KIAA1549L: variants seen among roughly 807,000 people sequenced by gnomAD.
KIAA1549L encodes UPF0606 protein KIAA1549L.
Under a neutral mutation model 160.7 loss-of-function variants are expected in KIAA1549L, and 88 were observed. The ratio of observed to expected loss-of-function variants is 0.55; its 90% confidence interval spans 0.46 to 0.65. KIAA1549L has a LOEUF of 0.65. Among genes scored for constraint, KIAA1549L ranks in the 30% least tolerant of loss-of-function variants. The pLI, the probability that KIAA1549L is intolerant of heterozygous loss-of-function variation, is 0.00. For synonymous variants in KIAA1549L, 950 were observed against 976.7 expected (o/e 0.97, Z 0.51); for missense variants, 2,258 against 2,437.5 (o/e 0.93, Z 1.55).
intron 6 of KIAA1549L, among the ~76,000 whole-genome samples, chr11:33,557,805 T>A (rs1458477288): frequency 6.6e-6 from 1 of 152,096 alleles, no homozygotes; most frequent in South Asian, 2.1e-4. Context: ...GAGGATCGCT[T>A]AAGCCTAGGA....
chr11:33,497,378 T>C (rs1380829832), intron 1 of KIAA1549L, among the ~76,000 whole-genome samples: 22 of 152,218 alleles, frequency 1.4e-4, no homozygotes, highest in Admixed American at 1.4e-3. Context: ...AAGCAAGTGA[T>C]ATTCCTTTCT....
intron 1 of KIAA1549L, among the ~76,000 whole-genome samples, chr11:33,420,608 C>A (rs752729800): frequency 8.6e-5 from 13 of 152,028 alleles, no homozygotes; most frequent in African/African-American, 2.9e-4. Context: ...TAAGAACTAC[C>A]GTTTTAGGGA....
chr11:33,462,219 C>T (rs2133001423), intron 1 of KIAA1549L, among the ~76,000 whole-genome samples: 1 of 152,234 alleles, frequency 6.6e-6, no homozygotes, highest in South Asian at 2.1e-4. Flanking sequence ...ATTTAAGGAG[C>T]ATATTCCCTA....
At position 33,643,164 on chromosome 11, in the gene KIAA1549L, C is replaced by T. The variant is rs574646708; in HGVS notation, c.5410-2522C>T. Among the ~76,000 whole-genome samples the T allele has an allele frequency of 9.2e-5, 14 of 152,274 alleles. No homozygotes were observed. The South Asian group carries it at 2.9e-3, about 32-fold the overall frequency. ...CAGAATGGAAACCCTGTGGGGGAAG[C>T]AGAGGCTGATCTTCATTTGGGGATC... On this transcript the variant is annotated intron_variant, in intron 16 of 20. Coordinates refer to ENST00000658780, the MANE Select transcript of KIAA1549L (RefSeq NM_012194.3).
Position 33,668,317 on chromosome 11 carries a change from T to A in KIAA1549L, c.*163T>A, listed in dbSNP as rs2133467791. The A allele has an allele frequency of 1.5e-6, 1 of 682,376 alleles. No homozygotes were observed. 42.3% of individuals were successfully genotyped at this position (682,376 alleles called of 1,614,324 possible). A position where few individuals can be genotyped will look rare whatever the true frequency, so the allele number is the denominator to read the frequency against. ...GGGGCTTCTGGGAACAGGAAACTCTTGAACGACTAGATTCTTGGCTCATCC... is the reference window on the plus strand; with the variant it reads ...GGGGCTTCTGGGAACAGGAAACTCTAGAACGACTAGATTCTTGGCTCATCC... On this transcript the variant is annotated 3_prime_UTR_variant, in exon 21 of 21. Coordinates refer to ENST00000658780, the MANE Select transcript of KIAA1549L (RefSeq NM_012194.3).
intron 1 of KIAA1549L, among the ~76,000 whole-genome samples, chr11:33,513,114 G>C (rs1853263693): frequency 6.6e-6 from 1 of 152,200 alleles, no homozygotes; most frequent in Non-Finnish European, 1.5e-5. Context: ...ACAGTGGTCA[G>C]GAGTGTCAGC....
At chr11:33,444,878 A>G (rs1165128419) in intron 1 of KIAA1549L, among the ~76,000 whole-genome samples, 1 of 152,120 alleles carries the variant, frequency 6.6e-6, no homozygotes, top group Non-Finnish European at 1.5e-5. Flanking sequence ...TCCTTACACC[A>G]CATATCCACT....
Position 33,574,963 on chromosome 11 carries a change from C to G in KIAA1549L, c.4402+90C>G, listed in dbSNP as rs1203968607. On this transcript the variant is annotated intron_variant, in intron 10 of 20. Transcript: ENST00000658780. ...GATTCCCCAAAATCATGTTAATGGT[C>G]TCAGAGCTAAACATATTTGTATTCT... 2.7e-6 allele frequency: 3 copies of G among 1,099,366 alleles called. No homozygotes were observed. In the African/African-American group the frequency reaches 4.7e-5, roughly 17 times the overall value. 68.1% of individuals were successfully genotyped at this position (1,099,366 alleles called of 1,614,324 possible).
chr11:33,528,151 T>C (rs1853656756), intron 1 of KIAA1549L, among the ~76,000 whole-genome samples: 2 of 152,182 alleles, frequency 1.3e-5, no homozygotes, highest in Non-Finnish European at 2.9e-5. Flanking sequence ...CCTTTATAAA[T>C]TACCCACTCT....
intron 11 of KIAA1549L, among the ~76,000 whole-genome samples, chr11:33,587,891 G>A (rs1297000682): frequency 6.6e-6 from 1 of 152,174 alleles, no homozygotes; most frequent in African/African-American, 2.4e-5. Flanking sequence ...TTGCATAGGA[G>A]CCAGGCCATG....
chr11:33,599,613 G>A (rs185912007), intron 13 of KIAA1549L: 314 of 152,302 alleles, frequency 2.1e-3, no homozygotes, highest in Non-Finnish European at 3.4e-3. Context: ...AAGGATTGGC[G>A]TTGGGGTTTA....
intron 11 of KIAA1549L, among the ~76,000 whole-genome samples, chr11:33,590,231 C>T (rs1338780263): frequency 6.6e-6 from 1 of 152,112 alleles, no homozygotes; most frequent in East Asian, 1.9e-4. Context: ...ATAACAATGG[C>T]CATCTTTTAA....
At chr11:33,467,879 A>G (rs1283121678) in intron 1 of KIAA1549L, among the ~76,000 whole-genome samples, 1 of 151,930 alleles carries the variant, frequency 6.6e-6, no homozygotes, top group Non-Finnish European at 1.5e-5. Flanking sequence ...TCTGCAGTTA[A>G]AAAAGAAAGA....
chr11:33,395,869 A>G (rs772237853), intron 1 of KIAA1549L, among the ~76,000 whole-genome samples: 1 of 152,078 alleles, frequency 6.6e-6, no homozygotes, highest in Non-Finnish European at 1.5e-5. Context: ...TTTTCGCCGT[A>G]CTCAGCACAG....
At position 33,542,700 on chromosome 11, in the gene KIAA1549L, G is replaced by A. The variant is rs1263489586; in HGVS notation, c.1137G>A (p.Val379=). The change falls in exon 2 of 21, where the codon GTG becomes GTA. Residue 379 remains valine, a synonymous_variant. Coordinates refer to ENST00000658780, the MANE Select transcript of KIAA1549L (RefSeq NM_012194.3). The part of the protein sequence containing the change: ...DGSPSWSMLE[V]ASGPASTQQI... ...GCCCCTCATGGTCAATGTTGGAAGT[G>A]GCTTCAGGTCCTGCATCCACCCAGC... 2 of 1,613,848 alleles carry A rather than the reference G, an allele frequency of 1.2e-6. No individual in the cohort carries two copies. The highest frequency in any genetic ancestry group is 2.2e-5 in the East Asian group (1 of 44,888).
At chr11:33,617,219 G>A (rs1443511937) in intron 15 of KIAA1549L, among the ~76,000 whole-genome samples, 1 of 151,848 alleles carries the variant, frequency 6.6e-6, no homozygotes. Flanking sequence ...GAGACTTATA[G>A]CTGGGTGAGA....
intron 1 of KIAA1549L, among the ~76,000 whole-genome samples, chr11:33,470,593 TA>T (rs1435610728): frequency 6.6e-6 from 1 of 151,972 alleles, no homozygotes; most frequent in African/African-American, 2.4e-5. Flanking sequence ...CTCACGCAGC[TA>T]ATATTTTTGT....
chr11:33,596,242 G>A (rs1035352652), intron 12 of KIAA1549L, among the ~76,000 whole-genome samples: 6 of 152,028 alleles, frequency 3.9e-5, no homozygotes, highest in East Asian at 3.9e-4. Flanking sequence ...ACAAACACAC[G>A]GGCACAAATC....
chr11:33,492,682 A>G (rs1436352147), intron 1 of KIAA1549L, among the ~76,000 whole-genome samples: 1 of 152,150 alleles, frequency 6.6e-6, no homozygotes, highest in Non-Finnish European at 1.5e-5. Flanking sequence ...TGTGCTGCAT[A>G]GGTCACTGTG....
Sources: gnomAD v4.1 joint callset for allele counts (sites outside exome capture counted in the v4.1 genomes callset) on GRCh38, gnomAD v4.1.1 for gene constraint, MANE v1.5 for transcripts, NCBI Gene and HGNC (gene_info 2026-07-23, HGNC 2026-07-21) for gene names.